ZNF324B: variants seen among roughly 807,000 people sequenced by gnomAD.
The protein encoded by ZNF324B is zinc finger protein 324B.
In ZNF324B, 7 loss-of-function variants were observed where a neutral mutation model predicts 10.6. The observed-to-expected ratio is 0.66, with a 90% CI of 0.38 to 1.24. The LOEUF is 1.24. Among genes scored for constraint, ZNF324B ranks in the 50% most tolerant of loss-of-function variants. The pLI is 0.02. For synonymous variants in ZNF324B, 316 were observed against 321.0 expected, an observed-to-expected ratio of 0.98 and a Z score of 0.17; for missense variants, 640 against 764.7, an observed-to-expected ratio of 0.84 and a Z score of 1.92.
At chr19:58,427,354 CTTTCTTTCTTTCTTT>C in the ZNF324B span, among the ~76,000 whole-genome samples, 4 of 51,266 alleles carry the variant, frequency 7.8e-5, no homozygotes, top group Admixed American at 2.6e-4. Flanking sequence ...TCTTTCCTTT[CTTTCTTTCTTTCTTT>C]CTTTCTTTCT....
chr19:58,447,419 G>A (rs1383152522), upstream of ZNF324B, among the ~76,000 whole-genome samples: 1 of 152,184 alleles, frequency 6.6e-6, no homozygotes, highest in Non-Finnish European at 1.5e-5. Context: ...AAGGCAATTT[G>A]TTGCTATTTT....
chr19:58,439,886 C>T, the ZNF324B span: 4 of 1,497,968 alleles, frequency 2.7e-6, no homozygotes, highest in African/African-American at 4.2e-5. Flanking sequence ...GGGTGACGGT[C>T]GCACTCAGGA....
At chr19:58,439,538 C>A in the ZNF324B span, among the ~76,000 whole-genome samples, 1 of 152,252 alleles carries the variant, frequency 6.6e-6, no homozygotes, top group African/African-American at 2.4e-5. Context: ...CCTTCCAGAT[C>A]TCATTCCACA....
chr19:58,455,056 C>G lies in ZNF324B; in HGVS notation c.239-127C>G. ...ACCCCAGCCCCTCCTGCAGAGCCAGCCTCACCTCTTCTTTTTCCCTAAGCT... is the reference window on the plus strand; with the variant it reads ...ACCCCAGCCCCTCCTGCAGAGCCAGGCTCACCTCTTCTTTTTCCCTAAGCT... On this transcript the variant is annotated intron_variant, in intron 3 of 3. Transcript: ENST00000336614. This position sits in a 1 kb window ranked among gnomAD's most constrained non-coding sequence, Gnocchi z 7.0. 1 of 1,312,554 alleles carries G rather than the reference C, an allele frequency of 7.6e-7. No individual in the cohort carries two copies. Among genetic ancestry groups the G allele is most frequent in the Non-Finnish European group, 1.1e-6 (1 of 914,138 alleles). 81.3% of individuals were successfully genotyped at this position (1,312,554 alleles called of 1,614,324 possible). A position where few individuals can be genotyped will look rare whatever the true frequency, so the allele number is the denominator to read the frequency against.
At chr19:58,453,649 C>T in intron 1 of ZNF324B, 47 bp from the exon 2 acceptor site, 1 of 1,613,842 alleles carries the variant, frequency 6.2e-7, no homozygotes, top group South Asian at 1.1e-5. Flanking sequence ...TCCTGGCTCA[C>T]AGCCATACCT....
chr19:58,454,453 C>T (rs758658922), intron 3 of ZNF324B, 109 bp downstream of exon 3: 7 of 731,442 alleles, frequency 9.6e-6, no homozygotes, highest in Non-Finnish European at 1.7e-5. Context: ...TCCTACCTGA[C>T]TCCCTTCTCT....
At chr19:58,433,857 G>T in the ZNF324B span, 1 of 1,613,808 alleles carries the variant, frequency 6.2e-7, no homozygotes, top group Admixed American at 1.7e-5. Flanking sequence ...GCTGAATCAG[G>T]CTGGAGCTGC....
the ZNF324B span, among the ~76,000 whole-genome samples, chr19:58,427,491 TTC>T: frequency 4.4e-5 from 5 of 113,224 alleles, no homozygotes; most frequent in Admixed American, 4.4e-4. Flanking sequence ...CCTTCCTTCC[TTC>T]CTTTCTTTCT....
the ZNF324B span, chr19:58,433,769 T>C: frequency 3.1e-6 from 5 of 1,614,212 alleles, no homozygotes; most frequent in Non-Finnish European, 4.2e-6. Context: ...CAGTGTTCAA[T>C]GAGAGTGGAG....
rs1296197732 is a variant in ZNF324B at position 58,451,670 on chromosome 19, G to C, written c.-41G>C. ...CCACACCGGTGGTCTGGGCTGTGGC[G>C]CGCGGGTCGGGGCCCGAGGCGGGCG... is the stretch of plus-strand genomic sequence containing the variant. On this transcript the variant is annotated 5_prime_UTR_variant, in exon 1 of 4. Coordinates refer to ENST00000336614, the MANE Select transcript of ZNF324B (RefSeq NM_207395.3). 1 of 506,166 alleles carries C rather than the reference G, an allele frequency of 2.0e-6. No homozygotes were observed. Among genetic ancestry groups the C allele is most frequent in the African/African-American group, 2.0e-5 (1 of 50,316 alleles). The allele number at this position is 506,166 out of a possible 1,614,324, so 31.4% of individuals were successfully genotyped here.
rs2052924054 is a variant in ZNF324B at position 58,456,485 on chromosome 19, A to T, written c.1541A>T (p.Asp514Val). The T allele has an allele frequency of 6.2e-7, 1 of 1,614,042 alleles. No homozygotes were observed. Among genetic ancestry groups the T allele is most frequent in the African/African-American group, 1.3e-5 (1 of 74,926 alleles). The change falls in exon 4 of 4, where the codon GAC (aspartate) becomes GTC (valine). Residue 514 changes from aspartate (D) to valine (V), a missense_variant. Physicochemically the swap from Asp to Val is radical, Grantham distance 152 (BLOSUM62 -3). Around this residue, in one of 3 missense-constraint regions of ZNF324B, gnomAD observed 238 missense variants for 258.0 expected, o/e 0.92. Transcript: ENST00000336614. This position sits in a 1 kb window ranked among gnomAD's most constrained non-coding sequence, Gnocchi z 4.7. ...GAGAAGACCAATGCCGCAGCACCAGACTGCACCCCGGGGCCAGGTTTCCTT... is the reference window on the plus strand; with the variant it reads ...GAGAAGACCAATGCCGCAGCACCAGTCTGCACCCCGGGGCCAGGTTTCCTT... ...TTEKTNAAAPDCTPGPGFLQG... is the reference protein window; with the variant it reads ...TTEKTNAAAPVCTPGPGFLQG...
chr19:58,452,302 G>A (rs11671033), intron 1 of ZNF324B: 1 of 151,392 alleles, frequency 6.6e-6, no homozygotes, highest in African/African-American at 2.4e-5. Context: ...GGCTGCAGTA[G>A]CAGGCGAGGG....
chr19:58,450,950 T>A (rs747212015), upstream of ZNF324B, among the ~76,000 whole-genome samples: 4 of 152,204 alleles, frequency 2.6e-5, no homozygotes, highest in Non-Finnish European at 4.4e-5. Context: ...CTAGATGGTC[T>A]AAGGACAAGC....
At chr19:58,432,839 A>G in the ZNF324B span, 2 of 167,100 alleles carry the variant, frequency 1.2e-5, no homozygotes, top group Non-Finnish European at 2.6e-5. Context: ...GGTCTTTATT[A>G]TCACCAGTTA....
intron 3 of ZNF324B, 158 bp downstream of exon 3, chr19:58,454,502 G>T: frequency 1.6e-6 from 1 of 616,924 alleles, no homozygotes; most frequent in South Asian, 2.0e-5. Flanking sequence ...TGCCTTAGTA[G>T]GTGCCCTTGA....
chr19:58,422,357 C>G, the ZNF324B span, among the ~76,000 whole-genome samples: 1 of 152,138 alleles, frequency 6.6e-6, no homozygotes. Flanking sequence ...AGAACTGGAA[C>G]AAGACAAAGA....
chr19:58,433,917 A>G, the ZNF324B span: 1 of 1,613,704 alleles, frequency 6.2e-7, no homozygotes, highest in South Asian at 1.1e-5. Flanking sequence ...TTTGCCCAGT[A>G]TGTACTTTCT....
At chr19:58,438,082 A>G in the ZNF324B span, among the ~76,000 whole-genome samples, 3 of 152,338 alleles carry the variant, frequency 2.0e-5, no homozygotes, top group South Asian at 6.2e-4. Context: ...AAGAAGAGAT[A>G]ACATGCCCTG....
chr19:58,439,373 T>C, the ZNF324B span, among the ~76,000 whole-genome samples: 3 of 152,180 alleles, frequency 2.0e-5, no homozygotes, highest in Non-Finnish European at 4.4e-5. Flanking sequence ...ACCATCAGAA[T>C]AGAGGTCCAG....
Sources: allele counts gnomAD v4.1 joint callset (sites outside exome capture counted in the v4.1 genomes callset), GRCh38; gene constraint gnomAD v4.1.1; regional missense constraint gnomAD v4.1.1; non-coding constraint Gnocchi (gnomAD v3.1); transcripts MANE v1.5; gene names NCBI Gene and HGNC (gene_info 2026-07-23, HGNC 2026-07-21).